MXRA8: variants seen among roughly 807,000 people sequenced by gnomAD.
MXRA8 encodes matrix remodeling associated 8, also known as matrix remodeling-associated protein 8.
In MXRA8, 44 loss-of-function variants were observed where a neutral mutation model predicts 51.4. That is an observed-to-expected ratio of 0.86 (90% CI 0.67 to 1.10). The LOEUF (loss-of-function observed/expected upper bound fraction) is 1.10, where lower values mean the gene tolerates loss of function less well. Ranked by LOEUF, MXRA8 falls within the 50% of genes least tolerant of loss-of-function variation. MXRA8 has a pLI of 0.00. For missense variants in MXRA8, 765 were observed against 638.9 expected, an observed-to-expected ratio of 1.20 and a Z score of -2.13; for synonymous variants, 369 against 293.5, an observed-to-expected ratio of 1.26 and a Z score of -2.63.
upstream of MXRA8, chr1:1,361,253 C>G (rs944605389): frequency 1.1e-4 from 75 of 703,408 alleles, no homozygotes; most frequent in African/African-American, 1.2e-3. Flanking sequence ...TGTGGCCGCA[C>G]AGCGGATCAT....
upstream of MXRA8, among the ~76,000 whole-genome samples, chr1:1,360,612 C>T (rs775295049): frequency 6.6e-6 from 1 of 152,210 alleles, no homozygotes; most frequent in African/African-American, 2.4e-5. Flanking sequence ...CATCACTGTG[C>T]TCTGGCTAAG....
chr1:1,353,870 G>A lies in MXRA8; in HGVS notation c.1281C>T (p.Ala427=), dbSNP rs1483745090. The change falls in exon 9 of 10, where the codon GCC becomes GCT. Residue 427 remains alanine (A), a synonymous_variant. Transcript: ENST00000309212. ...CACCTTTGTCTAGGTCGATGTACTT[G>A]GCAGGCAGGGGGCTGTGGGCCAGCT... is the stretch of plus-strand genomic sequence containing the variant. ...RAELAHSPLP[A]KYIDLDKGFR... 1.9e-6 allele frequency: 3 copies of A among 1,604,346 alleles called. No homozygotes were observed. The highest frequency in any genetic ancestry group is 2.6e-6 in the Non-Finnish European group (3 of 1,175,442).
chr1:1,354,205 C>G lies in MXRA8; in HGVS notation c.1133G>C (p.Gly378Ala), dbSNP rs370663172. 72 of 1,612,686 alleles carry G rather than the reference C, an allele frequency of 4.5e-5. 1 individual carries two copies. In the Middle Eastern group the frequency reaches 9.9e-4, roughly 22 times the overall value. Reference sequence around the variant, plus strand: ...GGGGGGCACTCACCCCTTTGACTTTCCCGACTTCTGGTCCGAGTATTCGTA... The same window carrying G: ...GGGGGGCACTCACCCCTTTGACTTTGCCGACTTCTGGTCCGAGTATTCGTA... ...GGYEYSDQKSGKSKGKDVNLA... is the reference protein window; with the variant it reads ...GGYEYSDQKSAKSKGKDVNLA... The change falls in exon 7 of 10, where the codon GGA becomes GCA. Residue 378 changes from glycine (G) to alanine (A), a missense_variant. By Grantham distance (60) the Gly-to-Ala change is moderately conservative. Transcript: ENST00000309212.
intron 1 of MXRA8, among the ~76,000 whole-genome samples, chr1:1,358,041 G>A (rs979283914): frequency 3.2e-4 from 49 of 152,142 alleles, no homozygotes; most frequent in African/African-American, 1.1e-3. Context: ...CGAGAGCCTG[G>A]GAGCTTCCCA....
rs1644110844 is a variant in MXRA8 at position 1,355,674 on chromosome 1, A to C, written c.152T>G (p.Val51Gly). The change falls in exon 3 of 10, where the codon GTG becomes GGG. Residue 51 changes from valine (V) to glycine (G), a missense_variant. By Grantham distance (109) the Val-to-Gly change is moderately radical. Coordinates refer to ENST00000309212, the MANE Select transcript of MXRA8 (RefSeq NM_032348.4). ...CATGCGCGGGCTCTGGCAGCGCAGC[A>C]CCGCCCGGGCGCCCGCCTCCCAGCT... is the stretch of plus-strand genomic sequence containing the variant. ...AVSWEAGARA[V>G]LRCQSPRMVW... 7.3e-7 allele frequency: 1 copy of C among 1,365,150 alleles called. No individual in the cohort carries two copies. The highest frequency in any genetic ancestry group is 9.4e-7 in the Non-Finnish European group (1 of 1,065,362). 84.6% of individuals were successfully genotyped at this position (1,365,150 alleles called of 1,614,324 possible).
intron 1 of MXRA8, among the ~76,000 whole-genome samples, chr1:1,357,737 G>A (rs1644160635): frequency 1.3e-5 from 2 of 152,192 alleles, no homozygotes; most frequent in Non-Finnish European, 2.9e-5. Flanking sequence ...TTGAACCCGG[G>A]AGGTGGAGGT....
At chr1:1,361,429 GAC>G (rs1330990950), upstream of MXRA8, 44 of 655,698 alleles carry the variant, frequency 6.7e-5, no homozygotes, top group Admixed American at 9.6e-4. Flanking sequence ...GAGGGAATGA[GAC>G]AGGGGTCGGG....
chr1:1,356,375 G>A (rs1644132241), intron 2 of MXRA8, among the ~76,000 whole-genome samples: 1 of 124,282 alleles, frequency 8.0e-6, no homozygotes, highest in Non-Finnish European at 1.7e-5. Flanking sequence ...GGCAGACCCC[G>A]AAGGCCCTGG....
intron 2 of MXRA8, among the ~76,000 whole-genome samples, 170 bp from the exon 3 acceptor site, chr1:1,355,922 C>T (rs1032113266): frequency 8.4e-6 from 1 of 118,920 alleles, no homozygotes; most frequent in Admixed American, 8.6e-5. Flanking sequence ...GGGGCAGACC[C>T]CCGAGGGCCT....
upstream of MXRA8, chr1:1,359,000 A>T (rs1299882318): frequency 1.0e-6 from 1 of 985,434 alleles, no homozygotes; most frequent in East Asian, 1.1e-4. Context: ...CCCACGGTGC[A>T]CGCTGGTGCT....
chr1:1,358,548 C>T lies in MXRA8; in HGVS notation c.-44G>A, dbSNP rs1456275480. 1.3e-6 allele frequency: 2 copies of T among 1,599,238 alleles called. No homozygotes were observed. The highest frequency in any genetic ancestry group is 4.5e-5 in the East Asian group (2 of 44,430). The stretch of plus-strand genomic sequence containing the variant: ...GGCTTTGTCCCACTCGGCTCTAAGT[C>T]TCTCTCCAGAAAAACAGCCCTACCC... On this transcript the variant is annotated 5_prime_UTR_variant, in exon 1 of 10. Transcript: ENST00000309212.
chr1:1,355,304 G>A lies in MXRA8; in HGVS notation c.418C>T (p.His140Tyr). ...TDAGLYTCNL[H>Y]HHYCHLYESL... ...TCGTAGAGGTGGCAGTAGTGATGGT[G>A]CAGGTTGCAGGTGTACAGCCCCGCG... The change falls in exon 4 of 10, where the codon CAC becomes TAC. Residue 140 changes from histidine to tyrosine, a missense_variant. By Grantham distance (83) the His-to-Tyr change is moderately conservative. Transcript: ENST00000309212. The A allele has an allele frequency of 1.9e-6, 3 of 1,580,256 alleles. No individual in the cohort carries two copies. The highest frequency in any genetic ancestry group is 2.8e-5 in the African/African-American group (2 of 71,342).
At chr1:1,355,831 A>C in intron 2 of MXRA8, 79 bp from the exon 3 acceptor site, 6 of 108,240 alleles carry the variant, frequency 5.5e-5, no homozygotes, top group Non-Finnish European at 6.7e-5. Flanking sequence ...GGGGAGGGGC[A>C]GGGCCCTGGT....
chr1:1,355,031 C>G lies in MXRA8; in HGVS notation c.600G>C (p.Glu200Asp). The G allele has an allele frequency of 6.2e-7, 1 of 1,608,080 alleles. No individual in the cohort carries two copies. Among genetic ancestry groups the G allele is most frequent in the South Asian group, 1.1e-5 (1 of 90,596 alleles). Residue 200 changes from glutamate to aspartate, a missense_variant, in exon 5 of 10, where the codon GAG becomes GAC. By Grantham distance (45) the Glu-to-Asp change is conservative. Transcript: ENST00000309212. ...GHVWTDRHVE[E>D]AQQVVHWDRQ... The stretch of plus-strand genomic sequence containing the variant: ...GGTCCCAGTGCACCACCTGTTGAGC[C>G]TCCTCCACGTGCCGGTCGGTCCACA...
chr1:1,356,861 C>A (rs1249095660), intron 1 of MXRA8, among the ~76,000 whole-genome samples, 157 bp from the exon 2 acceptor site: 1 of 152,094 alleles, frequency 6.6e-6, no homozygotes, highest in Non-Finnish European at 1.5e-5. Context: ...ACCTACATAG[C>A]CCTCCCTGCC....
At chr1:1,360,060 G>A (rs997270018), upstream of MXRA8, among the ~76,000 whole-genome samples, 1 of 152,106 alleles carries the variant, frequency 6.6e-6, no homozygotes, top group African/African-American at 2.4e-5. Flanking sequence ...GCAGTTTGGT[G>A]GGGGGACAGG....
At chr1:1,361,056 A>G (rs1644216388), upstream of MXRA8, among the ~76,000 whole-genome samples, 1 of 150,930 alleles carries the variant, frequency 6.6e-6, no homozygotes, top group African/African-American at 2.4e-5. Context: ...GGAGACACAG[A>G]TACATGGAAA....
chr1:1,358,508 C>A lies in MXRA8; in HGVS notation c.-4G>T. On this transcript the variant is annotated 5_prime_UTR_variant, in exon 1 of 10. Transcript: ENST00000309212. Reference sequence around the variant, plus strand: ...GGATTCGGGATGGCAGCGCCATGGCCCCCGCCCAGCCCCAGGCTTTGTCCC... The same window carrying A: ...GGATTCGGGATGGCAGCGCCATGGCACCCGCCCAGCCCCAGGCTTTGTCCC... 1.2e-6 allele frequency: 2 copies of A among 1,612,890 alleles called. No homozygotes were observed. Among genetic ancestry groups the A allele is most frequent in the Non-Finnish European group, 1.7e-6 (2 of 1,179,468 alleles).
upstream of MXRA8, chr1:1,359,521 G>T (rs1644193197): frequency 1.0e-6 from 1 of 985,032 alleles, no homozygotes; most frequent in Non-Finnish European, 1.2e-6. Context: ...CTTGGAGTGA[G>T]CTCTCCTTAC....
Sources: gnomAD v4.1 joint callset for allele counts (sites outside exome capture counted in the v4.1 genomes callset) on GRCh38, gnomAD v4.1.1 for gene constraint, MANE v1.5 for transcripts, NCBI Gene and HGNC (gene_info 2026-07-23, HGNC 2026-07-21) for gene names.